Variants in SIPA1L1 observed in about 807,000 individuals in gnomAD.
The protein encoded by SIPA1L1 is signal-induced proliferation-associated 1-like protein 1.
In SIPA1L1, 26 loss-of-function variants were observed where a neutral mutation model predicts 162.7. The ratio of observed to expected loss-of-function variants is 0.16; its 90% CI spans 0.12 to 0.22. The LOEUF (loss-of-function observed/expected upper bound fraction) is 0.22, where lower values mean the gene tolerates loss of function less well. Among genes scored for constraint, SIPA1L1 ranks in the 10% least tolerant of loss-of-function variants. The pLI is 1.00. For missense variants in SIPA1L1, 1,874 were observed against 2,241.0 expected (o/e 0.84, Z 3.31); for synonymous variants, 829 against 837.4 (o/e 0.99, Z 0.17).
At chr14:71,668,492 G>A (rs879495882) in intron 10 of SIPA1L1, among the ~76,000 whole-genome samples, 6 of 152,184 alleles carry the variant, frequency 3.9e-5, no homozygotes, top group African/African-American at 1.2e-4. Context: ...CTTCCTGGTC[G>A]CTCAGTGTAC....
At chr14:71,343,767 A>G (rs1188801853) in intron 2 of SIPA1L1, among the ~76,000 whole-genome samples, 1 of 152,228 alleles carries the variant, frequency 6.6e-6, no homozygotes, top group Non-Finnish European at 1.5e-5. Flanking sequence ...TGGAAGCAGC[A>G]TCTTGGGGAA....
intron 4 of SIPA1L1, among the ~76,000 whole-genome samples, chr14:71,529,848 G>C (rs1416936469): frequency 6.6e-6 from 1 of 152,188 alleles, no homozygotes; most frequent in African/African-American, 2.4e-5. Context: ...GCTCCAATGT[G>C]GGTTTGCCTG....
In SIPA1L1 at chr14:71,588,442, A is replaced by G; in HGVS notation, c.570A>G (p.Glu190=). 1.2e-6 allele frequency: 2 copies of G among 1,614,100 alleles called. No homozygotes were observed. Among genetic ancestry groups the G allele is most frequent in the Non-Finnish European group, 1.7e-6 (2 of 1,179,938 alleles). The change falls in exon 5 of 24, where the codon GAA becomes GAG. Residue 190 remains glutamate (E), a synonymous_variant. Transcript: ENST00000381232. The surrounding 1 kb of genome is among the most constrained non-coding windows in gnomAD (Gnocchi z 4.3). ...ISELDVDSFD[E]CISPTYKTGP... is the part of the protein sequence containing the mutation. ...AACTTGATGTGGATAGCTTTGATGA[A>G]TGTATCTCACCTACATACAAGACTG...
At chr14:71,425,603 G>A (rs923940126) in intron 2 of SIPA1L1, among the ~76,000 whole-genome samples, 5 of 152,100 alleles carry the variant, frequency 3.3e-5, no homozygotes, top group Admixed American at 6.5e-5. Flanking sequence ...TTGAAAATCT[G>A]TTGAGACTTA....
At chr14:71,530,881 G>C (rs1340146079) in intron 4 of SIPA1L1, among the ~76,000 whole-genome samples, 1 of 152,184 alleles carries the variant, frequency 6.6e-6, no homozygotes, top group South Asian at 2.1e-4. Context: ...AAAATCGTAA[G>C]GGAGTTTAGA....
chr14:71,418,968 C>T (rs1441272540), intron 2 of SIPA1L1, among the ~76,000 whole-genome samples: 2 of 152,210 alleles, frequency 1.3e-5, no homozygotes, highest in Non-Finnish European at 2.9e-5. Flanking sequence ...TTACTACTCA[C>T]ATCTGCACAA....
intron 2 of SIPA1L1, among the ~76,000 whole-genome samples, chr14:71,416,757 GCACA>G (rs768727248): frequency 1.9e-3 from 271 of 144,498 alleles, no homozygotes; most frequent in Non-Finnish European, 3.0e-3. Flanking sequence ...ACACACGCAT[GCACA>G]CACACACAAC....
At chr14:71,534,184 A>G (rs1300823145) in intron 4 of SIPA1L1, among the ~76,000 whole-genome samples, 10 of 152,258 alleles carry the variant, frequency 6.6e-5, no homozygotes, top group Non-Finnish European at 1.2e-4. Flanking sequence ...CACTTAATCT[A>G]TTTTGGCAAT....
intron 2 of SIPA1L1, among the ~76,000 whole-genome samples, chr14:71,478,955 A>C (rs1012655008): frequency 2.0e-5 from 3 of 152,088 alleles, no homozygotes; most frequent in Non-Finnish European, 4.4e-5. Flanking sequence ...AAGAGAATTA[A>C]AAAGAAAAAA....
intron 22 of SIPA1L1, among the ~76,000 whole-genome samples, chr14:71,737,268 T>C (rs538295832): frequency 6.6e-6 from 1 of 152,312 alleles, no homozygotes; most frequent in Non-Finnish European, 1.5e-5. Flanking sequence ...CTTGAATCTT[T>C]ATTTTTAAAG....
chr14:71,604,540 A>T (rs533539137), intron 5 of SIPA1L1, among the ~76,000 whole-genome samples: 24 of 150,436 alleles, frequency 1.6e-4, no homozygotes, highest in Non-Finnish European at 2.7e-4. Flanking sequence ...TCACTTAAGC[A>T]TTTTTTTTTA....
chr14:71,529,990 G>C (rs1235555834), intron 4 of SIPA1L1, among the ~76,000 whole-genome samples: 1 of 152,208 alleles, frequency 6.6e-6, no homozygotes, highest in Admixed American at 6.5e-5. Context: ...AGCCACACAG[G>C]GTGGAGGACG....
At chr14:71,692,235 T>C (rs1310354111) in intron 13 of SIPA1L1, among the ~76,000 whole-genome samples, 1 of 152,254 alleles carries the variant, frequency 6.6e-6, no homozygotes, top group East Asian at 1.9e-4. Flanking sequence ...CTTGATAGTC[T>C]GATAAAGCTA....
chr14:71,699,193 A>G, intron 14 of SIPA1L1, 66 bp downstream of exon 14: 3 of 1,470,448 alleles, frequency 2.0e-6, no homozygotes, highest in Non-Finnish European at 2.8e-6. Context: ...CTGTACTCAG[A>G]CATGTAAAAT....
Position 71,739,265 on chromosome 14 carries a change from G to C in SIPA1L1, c.*104G>C. The C allele has an allele frequency of 8.6e-7, 1 of 1,162,562 alleles. No homozygotes were observed. Among genetic ancestry groups the C allele is most frequent in the South Asian group, 2.3e-5 (1 of 44,160 alleles). The allele number at this position is 1,162,562 out of a possible 1,614,324, so 72.0% of individuals were successfully genotyped here. ...AAGCATCCTCAGAGCACCTTCCCTG[G>C]CTTCCTACTCTGCCCCCTTTCGGGG... On this transcript the variant is annotated 3_prime_UTR_variant, in exon 24 of 24. Coordinates refer to ENST00000381232, the MANE Select transcript of SIPA1L1 (RefSeq NM_001386936.1).
intron 2 of SIPA1L1, among the ~76,000 whole-genome samples, chr14:71,361,995 TACAGAAA>T (rs892752003): frequency 1.3e-5 from 2 of 152,340 alleles, no homozygotes; most frequent in African/African-American, 4.8e-5. Context: ...AGACATACCC[TACAGAAA>T]TATTGGGTTC....
rs189024721 is a variant in SIPA1L1, at chr14:71,661,917, C to T, written c.2255+450C>T. Among the ~76,000 whole-genome samples, 70 of 152,300 alleles carry T rather than the reference C, an allele frequency of 4.6e-4. No homozygotes were observed. The East Asian group carries it at 9.4e-3, about 21-fold the overall frequency. On this transcript the variant is annotated intron_variant, in intron 10 of 23. Transcript: ENST00000381232. ...AGCACTCTGACTACAAGCTTAGAAA[C>T]GCTTCTATACTTTATTTAGCATTAT... is the stretch of plus-strand genomic sequence containing the variant.
At chr14:71,592,640 G>A (rs2035546786) in intron 5 of SIPA1L1, among the ~76,000 whole-genome samples, 1 of 152,084 alleles carries the variant, frequency 6.6e-6, no homozygotes, top group South Asian at 2.1e-4. Flanking sequence ...GGTGGGGAGG[G>A]GGTGGAGGGG....
intron 10 of SIPA1L1, among the ~76,000 whole-genome samples, chr14:71,666,959 A>G (rs1401559427): frequency 6.6e-6 from 1 of 152,082 alleles, no homozygotes. Context: ...TTCTTTCAGA[A>G]GGTCTATTTC....
Sources: allele counts gnomAD v4.1 joint callset (sites outside exome capture counted in the v4.1 genomes callset), GRCh38; gene constraint gnomAD v4.1.1; non-coding constraint Gnocchi (gnomAD v3.1); transcripts MANE v1.5; gene names NCBI Gene and HGNC (gene_info 2026-07-23, HGNC 2026-07-21).